GNAO1: variants seen among roughly 807,000 people sequenced by gnomAD.
GNAO1 encodes the protein G protein subunit alpha o1.
For missense variants in GNAO1, 166 were observed against 478.7 expected (o/e 0.35, Z 6.10); for synonymous variants, 164 against 180.7 (o/e 0.91, Z 0.74).
chr16:56,277,448 G>C (rs1302045526), intron 3 of GNAO1, among the ~76,000 whole-genome samples: 1 of 152,174 alleles, frequency 6.6e-6, no homozygotes, highest in Non-Finnish European at 1.5e-5. Context: ...GCAGGGAATG[G>C]TGTCTGGTTG....
intron 2 of GNAO1, chr16:56,194,634 T>C: frequency 5.7e-6 from 1 of 176,030 alleles, no homozygotes. Flanking sequence ...CCGAGCCGCT[T>C]CGGAGGGGGT....
intron 2 of GNAO1, among the ~76,000 whole-genome samples, chr16:56,212,348 A>G (rs1404918528): frequency 4.6e-5 from 7 of 152,158 alleles, no homozygotes; most frequent in African/African-American, 1.7e-4. Flanking sequence ...GGGCAATTGT[A>G]CAGATTCTCA....
chr16:56,235,801 G>T (rs905285371), intron 2 of GNAO1, among the ~76,000 whole-genome samples: 8 of 152,198 alleles, frequency 5.3e-5, no homozygotes, highest in African/African-American at 1.9e-4. Context: ...AGATGAATAT[G>T]CATGATTCTG....
intron 3 of GNAO1, among the ~76,000 whole-genome samples, chr16:56,309,765 C>T (rs566644102): frequency 6.6e-6 from 1 of 151,916 alleles, no homozygotes; most frequent in East Asian, 1.9e-4. Context: ...GCTCTGCTCC[C>T]TCATAGCTGA....
intron 6 of GNAO1, chr16:56,345,656 C>T (rs1447708176): frequency 2.0e-6 from 2 of 985,412 alleles, no homozygotes; most frequent in Admixed American, 6.1e-5. Flanking sequence ...TTGGACCTTG[C>T]ACCAGGTGCT....
Position 56,221,919 on chromosome 16 carries a change from A to G in GNAO1, c.161+29303A>G, listed in dbSNP as rs79234765. Among the ~76,000 whole-genome samples the G allele has an allele frequency of 6.0e-3, 917 of 152,234 alleles. 13 individuals carry two copies. The highest frequency in any genetic ancestry group is 0.021 in the African/African-American group (878 of 41,540). On this transcript the variant is annotated intron_variant, in intron 2 of 8. Coordinates refer to ENST00000262493, the MANE Select transcript of GNAO1 (RefSeq NM_020988.3). ...GGGGTAGCCAGCACCAGAGCCAGTA[A>G]TGGTGTCTGGAGAGAATGTAGCCAT... is the stretch of plus-strand genomic sequence containing the variant.
intron 2 of GNAO1, among the ~76,000 whole-genome samples, chr16:56,260,667 C>T (rs1339377453): frequency 1.3e-5 from 2 of 151,828 alleles, no homozygotes; most frequent in African/African-American, 4.8e-5. Context: ...GAGAGGGGAT[C>T]GATGTGGAAG....
rs543498434 is a variant in GNAO1, at chr16:56,347,876, G to T, written c.724-3508G>T. 538 of 976,680 alleles carry T rather than the reference G, an allele frequency of 5.5e-4. 4 individuals are homozygous for T. In the African/African-American group the frequency reaches 8.3e-3, roughly 15 times the overall value. The allele number at this position is 976,680 out of a possible 1,614,324, so 60.5% of individuals were successfully genotyped here. A position where few individuals can be genotyped will look rare whatever the true frequency, so the allele number is the denominator to read the frequency against. On this transcript the variant is annotated intron_variant, in intron 6 of 8. Coordinates refer to ENST00000262493, the MANE Select transcript of GNAO1 (RefSeq NM_020988.3). ...CCTGCCTCCTGGTCTTCTCTACTCC[G>T]CTGGTTCTGACCCATCCCCTGGCTC...
intron 6 of GNAO1, chr16:56,345,240 C>T (rs2037854197): frequency 1.0e-6 from 1 of 985,542 alleles, no homozygotes; most frequent in Non-Finnish European, 1.2e-6. Context: ...GGCCAACGCC[C>T]ACACCCAGGC....
chr16:56,249,625 A>C (rs1453143493), intron 2 of GNAO1, among the ~76,000 whole-genome samples: 1 of 152,188 alleles, frequency 6.6e-6, no homozygotes, highest in African/African-American at 2.4e-5. Context: ...ACCATACCGG[A>C]AATTATGAAC....
At chr16:56,325,256 C>T (rs1567484150) in intron 3 of GNAO1, among the ~76,000 whole-genome samples, 2 of 152,352 alleles carry the variant, frequency 1.3e-5, no homozygotes, top group East Asian at 3.9e-4. Context: ...GCGGGTGGAT[C>T]ACCTGAGGTT....
chr16:56,231,166 G>A (rs1356399747), intron 2 of GNAO1, among the ~76,000 whole-genome samples: 1 of 152,192 alleles, frequency 6.6e-6, no homozygotes, highest in Non-Finnish European at 1.5e-5. Context: ...AGACTCTGTT[G>A]GTCCATGCTC....
rs189315791 is a variant in GNAO1 at position 56,314,540 on chromosome 16, C to T, written c.304-14091C>T. ...TACTCGAGTGGAGTTTTTTATAAGT[C>T]GTAATTTTTACTTCTTCACCAACGA... On this transcript the variant is annotated intron_variant, in intron 3 of 8. Coordinates refer to ENST00000262493, the MANE Select transcript of GNAO1 (RefSeq NM_020988.3). 1.7e-3 allele frequency among the ~76,000 whole-genome samples: 253 copies of T among 152,250 alleles called. 1 individual carries two copies. The highest frequency in any genetic ancestry group is 5.8e-3 in the African/African-American group (241 of 41,544).
intron 2 of GNAO1, among the ~76,000 whole-genome samples, chr16:56,209,046 TAAG>T (rs1439708483): frequency 3.1e-4 from 47 of 152,238 alleles, no homozygotes; most frequent in Non-Finnish European, 8.8e-5. Context: ...GTGTCCTATT[TAAG>T]AAGAAGTCTT....
chr16:56,203,270 T>G (rs1483260148), intron 2 of GNAO1, among the ~76,000 whole-genome samples: 1 of 152,088 alleles, frequency 6.6e-6, no homozygotes, highest in East Asian at 1.9e-4. Context: ...AGTAGGTTCA[T>G]GACTCAGGCC....
At chr16:56,248,570 G>C (rs1445457179) in intron 2 of GNAO1, among the ~76,000 whole-genome samples, 1 of 152,214 alleles carries the variant, frequency 6.6e-6, no homozygotes, top group Non-Finnish European at 1.5e-5. Context: ...GTCAGGGGCA[G>C]ATAGGCTATG....
chr16:56,341,117 C>G, intron 6 of GNAO1: 1 of 738,194 alleles, frequency 1.4e-6, no homozygotes, highest in Non-Finnish European at 2.3e-6. Context: ...CGGTCCCCCA[C>G]CCTGCCCCCA....
intron 2 of GNAO1, among the ~76,000 whole-genome samples, chr16:56,272,846 A>G (rs1401700496): frequency 6.6e-6 from 1 of 152,226 alleles, no homozygotes; most frequent in African/African-American, 2.4e-5. Flanking sequence ...GAACATTCCC[A>G]GGAGAGTGGT....
At chr16:56,337,359 G>A (rs1360259842) in intron 6 of GNAO1, among the ~76,000 whole-genome samples, 1 of 152,194 alleles carries the variant, frequency 6.6e-6, no homozygotes, top group East Asian at 1.9e-4. Context: ...GGGGTTGGGG[G>A]TGCTGGGGAG....
Sources: allele counts gnomAD v4.1 joint callset (sites outside exome capture counted in the v4.1 genomes callset), GRCh38; gene constraint gnomAD v4.1.1; transcripts MANE v1.5; gene names NCBI Gene and HGNC (gene_info 2026-07-23, HGNC 2026-07-21).